GPHN: variants seen among roughly 807,000 people sequenced by gnomAD.
GPHN encodes the protein gephyrin.
A neutral mutation model predicts 95.5 loss-of-function variants in GPHN; 17 were observed. That is an observed-to-expected ratio of 0.18 (90% confidence interval 0.12 to 0.27). The LOEUF is 0.27. Ranked by LOEUF, GPHN falls within the 10% of genes least tolerant of loss-of-function variation. The pLI, the probability that GPHN is intolerant of heterozygous loss-of-function variation, is 1.00. For missense variants in GPHN, 660 were observed against 978.1 expected (o/e 0.67, Z 4.34); for synonymous variants, 320 against 322.5 (o/e 0.99, Z 0.08).
chr14:67,642,339 G>A, the GPHN span: 2 of 1,613,996 alleles, frequency 1.2e-6, no homozygotes, highest in East Asian at 2.2e-5. Flanking sequence ...GGCTACAGCT[G>A]TGTCACACTG....
intron 2 of GPHN, among the ~76,000 whole-genome samples, chr14:66,714,881 G>A (rs2070018874): frequency 6.6e-6 from 1 of 152,150 alleles, no homozygotes; most frequent in Admixed American, 6.5e-5. Flanking sequence ...TGGTTAGCTA[G>A]TATTTCGTTA....
chr14:67,698,628 TA>T, the GPHN span, among the ~76,000 whole-genome samples: 9 of 152,158 alleles, frequency 5.9e-5, no homozygotes, highest in Admixed American at 4.6e-4. Flanking sequence ...AAGTTTAACA[TA>T]AAAAAATTAT....
intron 2 of GPHN, among the ~76,000 whole-genome samples, chr14:66,773,597 C>T (rs1322526961): frequency 6.6e-6 from 1 of 152,066 alleles, no homozygotes; most frequent in Admixed American, 6.5e-5. Flanking sequence ...CGTGATCCTC[C>T]CATCTCGGCC....
At chr14:66,688,397 C>A (rs777216959) in intron 2 of GPHN, among the ~76,000 whole-genome samples, 11 of 152,152 alleles carry the variant, frequency 7.2e-5, no homozygotes, top group Non-Finnish European at 1.5e-4. Flanking sequence ...GTAAGTAGAC[C>A]CATGCAGTTC....
chr14:66,799,162 T>C (rs1290709531), intron 3 of GPHN, among the ~76,000 whole-genome samples: 8 of 151,960 alleles, frequency 5.3e-5, no homozygotes, highest in East Asian at 1.9e-4. Context: ...TTTTATTTCA[T>C]TGTGGTCAGA....
intron 4 of GPHN, among the ~76,000 whole-genome samples, chr14:66,846,424 C>G (rs950113982): frequency 2.0e-5 from 3 of 152,052 alleles, no homozygotes; most frequent in Admixed American, 6.6e-5. Flanking sequence ...GCTCACATTC[C>G]AAGAGAGGGG....
intron 1 of GPHN, among the ~76,000 whole-genome samples, chr14:66,517,607 G>T (rs182787666): frequency 2.0e-5 from 3 of 152,222 alleles, no homozygotes; most frequent in Admixed American, 2.0e-4. Context: ...TAGACCAAAG[G>T]AACAGAATCG....
chr14:66,550,258 G>A (rs1252334035), intron 1 of GPHN, among the ~76,000 whole-genome samples: 1 of 152,182 alleles, frequency 6.6e-6, no homozygotes, highest in Non-Finnish European at 1.5e-5. Flanking sequence ...CATGCGAGGA[G>A]GTCAAAATGT....
the GPHN span, chr14:67,411,998 G>A: frequency 6.5e-7 from 1 of 1,540,144 alleles, no homozygotes; most frequent in Non-Finnish European, 8.7e-7. Flanking sequence ...GCAATGTCCC[G>A]AAGCTCGACG....
At position 66,595,236 on chromosome 14, in the gene GPHN, A is replaced by G. The variant is rs575039670; in HGVS notation, c.65-85871A>G. Among the ~76,000 whole-genome samples, 9 of 152,340 alleles carry G rather than the reference A, an allele frequency of 5.9e-5. No individual in the cohort carries two copies. The South Asian group carries it at 1.2e-3, about 21-fold the overall frequency. ...TATTACAGCCATAATTGTAAACAGTATGGAGGTATCTCAAAAATAAGAAGT... is the reference window on the plus strand; with the variant it reads ...TATTACAGCCATAATTGTAAACAGTGTGGAGGTATCTCAAAAATAAGAAGT... On this transcript the variant is annotated intron_variant, in intron 1 of 22. Coordinates refer to ENST00000478722, the MANE Select transcript of GPHN (RefSeq NM_020806.5).
the GPHN span, among the ~76,000 whole-genome samples, chr14:67,236,909 G>GA: frequency 6.6e-6 from 1 of 151,962 alleles, no homozygotes; most frequent in Non-Finnish European, 1.5e-5. Context: ...CCAACATGGT[G>GA]AAACCCTGTC....
chr14:67,695,802 C>T, the GPHN span: 24 of 1,150,122 alleles, frequency 2.1e-5, no homozygotes, highest in African/African-American at 3.1e-4. Context: ...TTGCGACAGC[C>T]CGGGGAGCAG....
At chr14:66,879,370 G>A (rs1235361475) in intron 4 of GPHN, among the ~76,000 whole-genome samples, 2 of 149,628 alleles carry the variant, frequency 1.3e-5, no homozygotes, top group Admixed American at 6.7e-5. Flanking sequence ...AAAAAAAGTG[G>A]AGAAATCTGA....
the GPHN span, among the ~76,000 whole-genome samples, chr14:67,725,885 C>A: frequency 3.9e-5 from 6 of 152,312 alleles, no homozygotes; most frequent in African/African-American, 1.4e-4. Flanking sequence ...AGTGCTGAGG[C>A]AATACCTTGT....
intron 1 of GPHN, among the ~76,000 whole-genome samples, chr14:66,596,563 T>C (rs966952689): frequency 2.0e-5 from 3 of 152,168 alleles, no homozygotes; most frequent in Non-Finnish European, 4.4e-5. Context: ...TGGTGTGTCA[T>C]AGCTGCCCTG....
chr14:67,497,306 C>T, the GPHN span, among the ~76,000 whole-genome samples: 1 of 152,026 alleles, frequency 6.6e-6, no homozygotes, highest in Non-Finnish European at 1.5e-5. Flanking sequence ...AGAGAGGAGA[C>T]CCAGGCACGT....
At chr14:67,323,261 G>GTGTGTA in the GPHN span, among the ~76,000 whole-genome samples, 1,781 of 124,142 alleles carry the variant, frequency 0.014, 13 homozygotes, top group Non-Finnish European at 0.02. Context: ...GTGTGTGTGT[G>GTGTGTA]TATATATATA....
chr14:66,877,431 G>T (rs187998838), intron 4 of GPHN, among the ~76,000 whole-genome samples: 10 of 152,192 alleles, frequency 6.6e-5, no homozygotes, highest in Admixed American at 6.5e-4. Context: ...CAAATAAGAA[G>T]AGAGGAAGTC....
At chr14:66,821,514 A>G (rs2061189088) in intron 3 of GPHN, among the ~76,000 whole-genome samples, 1 of 152,182 alleles carries the variant, frequency 6.6e-6, no homozygotes, top group South Asian at 2.1e-4. Context: ...GAGACCAGAG[A>G]TACTGCCTTA....
Sources: gnomAD v4.1 joint callset for allele counts (sites outside exome capture counted in the v4.1 genomes callset) on GRCh38, gnomAD v4.1.1 for gene constraint, MANE v1.5 for transcripts, NCBI Gene and HGNC (gene_info 2026-07-23, HGNC 2026-07-21) for gene names.